GOLGA4: variants seen among roughly 807,000 people sequenced by gnomAD.
The protein encoded by GOLGA4 is golgin subfamily A member 4.
Under a neutral mutation model 265.9 loss-of-function variants are expected in GOLGA4, and 169 were observed. The ratio of observed to expected loss-of-function variants is 0.64; its 90% confidence interval spans 0.56 to 0.72. GOLGA4 has a LOEUF of 0.72. Ranked by LOEUF, GOLGA4 falls within the 30% of genes least tolerant of loss-of-function variation. The pLI, the probability that GOLGA4 is intolerant of heterozygous loss-of-function variation, is 0.00. For synonymous variants in GOLGA4, 923 were observed against 855.8 expected, an observed-to-expected ratio of 1.08 and a Z score of -1.37; for missense variants, 2,482 against 2,483.4, an observed-to-expected ratio of 1.00 and a Z score of 0.01.
chr3:37,338,372 G>T (rs1392969562), intron 19 of GOLGA4, among the ~76,000 whole-genome samples: 1 of 152,174 alleles, frequency 6.6e-6, no homozygotes, highest in Non-Finnish European at 1.5e-5. Context: ...AGCATTAATT[G>T]TACTATATTT....
chr3:37,273,777 G>A (rs918652382), intron 2 of GOLGA4, among the ~76,000 whole-genome samples: 2 of 152,162 alleles, frequency 1.3e-5, no homozygotes, highest in Non-Finnish European at 2.9e-5. Flanking sequence ...TTAAATGAAA[G>A]CAAGACTGTA....
chr3:37,302,503 C>T (rs553922875), intron 10 of GOLGA4, among the ~76,000 whole-genome samples, 171 bp downstream of exon 10: 1 of 152,356 alleles, frequency 6.6e-6, no homozygotes, highest in African/African-American at 2.4e-5. Flanking sequence ...AAACTGTGGC[C>T]TGTGGGCCAG....
chr3:37,281,372 T>A (rs2096834182), intron 2 of GOLGA4, among the ~76,000 whole-genome samples: 1 of 152,172 alleles, frequency 6.6e-6, no homozygotes, highest in South Asian at 2.1e-4. Flanking sequence ...TAGTCAACTC[T>A]GCCTCACATT....
intron 17 of GOLGA4, among the ~76,000 whole-genome samples, chr3:37,336,806 A>G (rs1477759019): frequency 2.0e-5 from 3 of 151,486 alleles, no homozygotes; most frequent in Admixed American, 2.0e-4. Context: ...AAGAGAAAGA[A>G]AGAGAGAAAG....
At position 37,323,755 on chromosome 3, in the gene GOLGA4, G is replaced by A. The variant is rs1398144214; in HGVS notation, c.1869G>A (p.Gln623=). ...KTELESLKHQ[Q]DALWTEKLQV... is the part of the protein sequence containing the mutation. ...AATTGGAAAGCCTTAAGCATCAGCA[G>A]GATGCCCTTTGGACTGAAAAACTCC... Residue 623 remains glutamine (Q), a synonymous_variant, in exon 14 of 24, where the codon CAG becomes CAA. Coordinates refer to ENST00000361924, the MANE Select transcript of GOLGA4 (RefSeq NM_002078.5). The A allele has an allele frequency of 6.2e-7, 1 of 1,613,234 alleles. No individual in the cohort carries two copies. Among genetic ancestry groups the A allele is most frequent in the South Asian group, 1.1e-5 (1 of 90,762 alleles).
chr3:37,345,595 T>A (rs1043934728), intron 20 of GOLGA4, among the ~76,000 whole-genome samples: 4 of 152,164 alleles, frequency 2.6e-5, no homozygotes, highest in South Asian at 2.1e-4. Flanking sequence ...AAACCAGAAA[T>A]AAGAGCTATA....
chr3:37,332,183 G>C (rs554979787), intron 16 of GOLGA4, among the ~76,000 whole-genome samples: 4 of 152,312 alleles, frequency 2.6e-5, no homozygotes, highest in African/African-American at 7.2e-5. Flanking sequence ...ACCTCGTCTA[G>C]TTTGGTCTGT....
At chr3:37,353,913 A>G (rs982261442) in intron 21 of GOLGA4, among the ~76,000 whole-genome samples, 2 of 151,966 alleles carry the variant, frequency 1.3e-5, no homozygotes, top group Admixed American at 6.6e-5. Context: ...TACTACCAAA[A>G]TAGCAGAAGA....
intron 1 of GOLGA4, 37 bp from the exon 2 acceptor site, chr3:37,251,358 T>TGC (rs754394630): frequency 7.8e-7 from 1 of 1,276,644 alleles, no homozygotes; most frequent in Non-Finnish European, 1.1e-6. Context: ...CTAGTCAATA[T>TGC]AGTCTTGCTA....
At chr3:37,300,450 C>T (rs2096889706) in intron 9 of GOLGA4, among the ~76,000 whole-genome samples, 1 of 151,280 alleles carries the variant, frequency 6.6e-6, no homozygotes, top group South Asian at 2.1e-4. Flanking sequence ...TACTGCTTTG[C>T]TAGATTATAC....
chr3:37,349,721 T>C (rs1578837297), intron 21 of GOLGA4, among the ~76,000 whole-genome samples: 1 of 152,182 alleles, frequency 6.6e-6, no homozygotes. Flanking sequence ...ACAAAGAATT[T>C]GAAATGGAGA....
chr3:37,364,764 A>ATTTT (rs1696619134), intron 23 of GOLGA4, among the ~76,000 whole-genome samples: 1 of 148,584 alleles, frequency 6.7e-6, no homozygotes, highest in Non-Finnish European at 1.5e-5. Flanking sequence ...TTTTTTTAAA[A>ATTTT]AAAAGTTTGT....
intron 16 of GOLGA4, among the ~76,000 whole-genome samples, chr3:37,330,361 TTA>T (rs2096986112): frequency 6.6e-6 from 1 of 152,188 alleles, no homozygotes; most frequent in African/African-American, 2.4e-5. Context: ...AGGCAGTTAT[TTA>T]TCATGGATAA....
At chr3:37,311,925 G>A (rs1315538662) in intron 10 of GOLGA4, among the ~76,000 whole-genome samples, 4 of 152,092 alleles carry the variant, frequency 2.6e-5, no homozygotes, top group Non-Finnish European at 4.4e-5. Flanking sequence ...TGTTTGAAAA[G>A]GTGAGAACAT....
chr3:37,315,343 C>CT, intron 10 of GOLGA4, 77 bp from the exon 11 acceptor site: 1 of 1,284,556 alleles, frequency 7.8e-7, no homozygotes, highest in East Asian at 2.4e-5. Flanking sequence ...TCTTAGTTCT[C>CT]AAAAATTGAA....
intron 20 of GOLGA4, among the ~76,000 whole-genome samples, chr3:37,341,943 G>T (rs968325633): frequency 1.3e-5 from 2 of 152,058 alleles, no homozygotes; most frequent in African/African-American, 4.8e-5. Context: ...ATTTTTCTCA[G>T]ATTTCTCAAG....
chr3:37,347,223 T>G lies in GOLGA4; in HGVS notation c.6503T>G (p.Leu2168Arg), dbSNP rs756080957. 2 of 1,612,846 alleles carry G rather than the reference T, an allele frequency of 1.2e-6. No homozygotes were observed. Among genetic ancestry groups the G allele is most frequent in the South Asian group, 1.1e-5 (1 of 91,018 alleles). ...AATTTGTACCATACGGATGTCTCAC[T>G]CTTTGGAGAACCTACCGAATTTGAG... The part of the protein sequence containing the change: ...GGNLYHTDVS[L>R]FGEPTEFEYL... The change falls in exon 21 of 24, where the codon CTC becomes CGC. Residue 2168 changes from leucine to arginine, a missense_variant. Leu to Arg is a moderately radical substitution (Grantham distance 102). Around this residue, in one of 3 missense-constraint regions of GOLGA4, gnomAD observed 942 missense variants for 983.1 expected, o/e 0.96. Coordinates refer to ENST00000361924, the MANE Select transcript of GOLGA4 (RefSeq NM_002078.5).
At chr3:37,255,699 A>G (rs984546806) in intron 2 of GOLGA4, among the ~76,000 whole-genome samples, 1 of 152,032 alleles carries the variant, frequency 6.6e-6, no homozygotes, top group African/African-American at 2.4e-5. Context: ...GTTGCGGTGG[A>G]CAAATATTTA....
intron 21 of GOLGA4, among the ~76,000 whole-genome samples, chr3:37,353,709 A>AT (rs1043276657): frequency 2.6e-4 from 39 of 152,030 alleles, no homozygotes; most frequent in African/African-American, 6.7e-4. Flanking sequence ...AATTTTTAAG[A>AT]TTTTTTGTAG....
Sources: gnomAD v4.1 joint callset for allele counts (sites outside exome capture counted in the v4.1 genomes callset) on GRCh38, gnomAD v4.1.1 for gene constraint, gnomAD v4.1.1 regional missense constraint, MANE v1.5 for transcripts, NCBI Gene and HGNC (gene_info 2026-07-23, HGNC 2026-07-21) for gene names.